The following TMEM135 variants were observed in gnomAD, a reference collection of about 807,000 sequenced individuals.
The protein encoded by TMEM135 is transmembrane protein 135.
In TMEM135, 30 loss-of-function variants were observed where a neutral mutation model predicts 60.3. That is an observed-to-expected ratio of 0.50 (90% CI 0.37 to 0.68). The LOEUF (loss-of-function observed/expected upper bound fraction) is 0.68, where lower values mean the gene tolerates loss of function less well. Ranked by LOEUF, TMEM135 falls within the 30% of genes least tolerant of loss-of-function variation. The pLI, the probability that TMEM135 is intolerant of heterozygous loss-of-function variation, is 0.00. For synonymous variants in TMEM135, 190 were observed against 186.7 expected (o/e 1.02, Z -0.14); for missense variants, 468 against 548.8 (o/e 0.85, Z 1.47).
intron 5 of TMEM135, among the ~76,000 whole-genome samples, chr11:87,175,900 A>G (rs546002501): frequency 8.5e-5 from 13 of 152,170 alleles, no homozygotes; most frequent in Non-Finnish European, 1.6e-4. Flanking sequence ...TACCAAAAGA[A>G]TTTTGCATAT....
Position 87,325,911 on chromosome 11 carries a change from G to T in TMEM135, c.*4578G>T, listed in dbSNP as rs532176432. 10 of 453,380 alleles carry T rather than the reference G, an allele frequency of 2.2e-5. No individual in the cohort carries two copies. The highest frequency in any genetic ancestry group is 1.4e-4 in the African/African-American group (7 of 49,756). The allele number at this position is 453,380 out of a possible 1,614,324, so 28.1% of individuals were successfully genotyped here. ...TTTTTTTTCCATCTGTCCCTCCTAC[G>T]AATATGTTTTACATGAAATAATGTA... is the stretch of plus-strand genomic sequence containing the variant. On this transcript the variant is annotated 3_prime_UTR_variant, in exon 15 of 15. Coordinates refer to ENST00000305494, the MANE Select transcript of TMEM135 (RefSeq NM_022918.4).
chr11:87,248,403 G>T (rs1033755667), intron 6 of TMEM135, among the ~76,000 whole-genome samples: 18 of 152,284 alleles, frequency 1.2e-4, no homozygotes, highest in African/African-American at 4.1e-4. Context: ...TTTAACTAGG[G>T]TGAGATGATA....
At chr11:87,256,782 G>A (rs140912879) in intron 6 of TMEM135, among the ~76,000 whole-genome samples, 193 of 152,204 alleles carry the variant, frequency 1.3e-3, no homozygotes, top group East Asian at 7.0e-3. Flanking sequence ...AGCTTTGTTT[G>A]TATACTTTTA....
At chr11:87,279,871 C>CA (rs1471425265) in intron 6 of TMEM135, among the ~76,000 whole-genome samples, 2 of 152,148 alleles carry the variant, frequency 1.3e-5, no homozygotes, top group Non-Finnish European at 2.9e-5. Context: ...CTCTTTGTGT[C>CA]AGAGACAGCC....
chr11:87,188,240 T>G (rs548352486), intron 5 of TMEM135, among the ~76,000 whole-genome samples: 1 of 152,272 alleles, frequency 6.6e-6, no homozygotes, highest in South Asian at 2.1e-4. Flanking sequence ...CAGAGGGCTT[T>G]ATGATGAAGT....
intron 3 of TMEM135, among the ~76,000 whole-genome samples, chr11:87,083,501 T>C (rs991841153): frequency 6.6e-6 from 1 of 152,240 alleles, no homozygotes; most frequent in Non-Finnish European, 1.5e-5. Context: ...ATTGCAAGCA[T>C]ACTCATTTGT....
intron 4 of TMEM135, 81 bp downstream of exon 4, chr11:87,091,476 G>A (rs1206343507): frequency 1.5e-6 from 2 of 1,361,702 alleles, no homozygotes; most frequent in Admixed American, 3.5e-5. Context: ...AAAAGTAAAA[G>A]AGGAAAGCCA....
chr11:87,119,209 C>T (rs1400149037), intron 4 of TMEM135, among the ~76,000 whole-genome samples: 2 of 152,144 alleles, frequency 1.3e-5, no homozygotes, highest in East Asian at 1.9e-4. Context: ...CACTTGAACA[C>T]TTAGAATTGC....
chr11:87,321,426 G>T lies in TMEM135; in HGVS notation c.*93G>T. 7.3e-7 allele frequency: 1 copy of T among 1,365,430 alleles called. No homozygotes were observed. Among genetic ancestry groups the T allele is most frequent in the Non-Finnish European group, 1.0e-6 (1 of 958,246 alleles). 84.6% of individuals were successfully genotyped at this position (1,365,430 alleles called of 1,614,324 possible). On this transcript the variant is annotated 3_prime_UTR_variant, in exon 15 of 15. Transcript: ENST00000305494. ...GGAGGGGGCCCAAGCTCGAACTTCA[G>T]TGTTATTTCAGTTAGAGATACTCTT...
intron 4 of TMEM135, among the ~76,000 whole-genome samples, chr11:87,139,957 G>A (rs1013562548): frequency 6.6e-6 from 1 of 152,002 alleles, no homozygotes; most frequent in Non-Finnish European, 1.5e-5. Context: ...TTTGGGTTGT[G>A]TAGCTTATTT....
Position 87,321,363 on chromosome 11 carries a change from A to G in TMEM135, c.*30A>G, listed in dbSNP as rs1942816567. On this transcript the variant is annotated 3_prime_UTR_variant, in exon 15 of 15. Transcript: ENST00000305494. ...GACTGTAACTTATTAATGTGACTAA[A>G]TGTTTCATCTTGAAGAGTTAATTAT... 1.2e-6 allele frequency: 2 copies of G among 1,612,340 alleles called. No individual in the cohort carries two copies. Among genetic ancestry groups the G allele is most frequent in the Admixed American group, 1.7e-5 (1 of 59,924 alleles).
intron 1 of TMEM135, among the ~76,000 whole-genome samples, chr11:87,054,033 A>G (rs1347055724): frequency 1.3e-5 from 2 of 152,234 alleles, no homozygotes; most frequent in Non-Finnish European, 2.9e-5. Flanking sequence ...AATTGTTCTT[A>G]CATATCATAT....
At chr11:87,209,594 A>AG (rs1940314803) in intron 5 of TMEM135, among the ~76,000 whole-genome samples, 1 of 152,192 alleles carries the variant, frequency 6.6e-6, no homozygotes, top group Non-Finnish European at 1.5e-5. Context: ...CCATATATTA[A>AG]TAGTGGGAGA....
In TMEM135 at chr11:87,100,953, TTAAC is replaced by T. The variant is rs1476715233; in HGVS notation, c.396+9561_396+9564del. Among the ~76,000 whole-genome samples the T allele has an allele frequency of 2.6e-5, 4 of 152,346 alleles. No homozygotes were observed. In the East Asian group the frequency reaches 7.7e-4, roughly 29 times the overall value. ...GACCATTAGTTTATAGCCTTAACGATTAACTAGCACTTAAAAACATACAAATTGA... is the reference window on the plus strand; with the variant it reads ...GACCATTAGTTTATAGCCTTAACGATTAGCACTTAAAAACATACAAATTGA... On this transcript the variant is annotated intron_variant, in intron 4 of 14. Transcript: ENST00000305494.
At position 87,041,280 on chromosome 11, in the gene TMEM135, C is replaced by A. The variant is rs977987400; in HGVS notation, c.141+3094C>A. Among the ~76,000 whole-genome samples, 27 of 98,578 alleles carry A rather than the reference C, an allele frequency of 2.7e-4. No homozygotes were observed. The East Asian group carries it at 0.011, about 42-fold the overall frequency. The allele number at this position is 98,578 out of a possible 152,430, so 64.7% of individuals were successfully genotyped here. A position where few individuals can be genotyped will look rare whatever the true frequency, so the allele number is the denominator to read the frequency against. ...GTAAGGAAAAAGACAGGATTCGGTT[C>A]TCATTTTTTTTTTTTTTTGACTGAA... On this transcript the variant is annotated intron_variant, in intron 1 of 14. Transcript: ENST00000305494.
intron 6 of TMEM135, among the ~76,000 whole-genome samples, chr11:87,256,000 G>A (rs980983369): frequency 6.6e-6 from 1 of 152,106 alleles, no homozygotes; most frequent in Non-Finnish European, 1.5e-5. Context: ...ACTTTATAAT[G>A]AAATACATTG....
At chr11:87,138,436 A>G (rs1448469457) in intron 4 of TMEM135, among the ~76,000 whole-genome samples, 5 of 152,194 alleles carry the variant, frequency 3.3e-5, no homozygotes, top group Non-Finnish European at 7.3e-5. Flanking sequence ...TTATTTTTTC[A>G]GCATTTGAAA....
intron 6 of TMEM135, among the ~76,000 whole-genome samples, chr11:87,256,595 CTG>C (rs1941532335): frequency 6.6e-6 from 1 of 152,082 alleles, no homozygotes; most frequent in African/African-American, 2.4e-5. Flanking sequence ...AAGTCAATAA[CTG>C]GAGTTCTGTA....
chr11:87,217,739 G>T (rs1379841011), intron 5 of TMEM135, among the ~76,000 whole-genome samples: 1 of 151,872 alleles, frequency 6.6e-6, no homozygotes, highest in Non-Finnish European at 1.5e-5. Context: ...AGTCGAGATC[G>T]TGCCATTGCA....
Sources: allele counts gnomAD v4.1 joint callset (sites outside exome capture counted in the v4.1 genomes callset), GRCh38; gene constraint gnomAD v4.1.1; transcripts MANE v1.5; gene names NCBI Gene and HGNC (gene_info 2026-07-23, HGNC 2026-07-21).